CYFIP1: variants seen among roughly 807,000 people sequenced by gnomAD.
CYFIP1 encodes cytoplasmic FMR1-interacting protein 1.
Under a neutral mutation model 163.5 loss-of-function variants are expected in CYFIP1, and 58 were observed. The observed-to-expected ratio is 0.35, with a 90% CI of 0.29 to 0.44. The LOEUF (loss-of-function observed/expected upper bound fraction) is 0.44, where lower values mean the gene tolerates loss of function less well. Among genes scored for constraint, CYFIP1 ranks in the 20% least tolerant of loss-of-function variants. The pLI, the probability that CYFIP1 is intolerant of heterozygous loss-of-function variation, is 1.00. For synonymous variants in CYFIP1, 663 were observed against 660.7 expected, an observed-to-expected ratio of 1.00 and a Z score of -0.05; for missense variants, 1,338 against 1,653.8, an observed-to-expected ratio of 0.81 and a Z score of 3.31.
intron 6 of CYFIP1, among the ~76,000 whole-genome samples, chr15:22,940,945 C>G (rs1397115585): frequency 1.3e-5 from 2 of 152,202 alleles, no homozygotes; most frequent in East Asian, 3.8e-4. Flanking sequence ...GAGGCTGAGA[C>G]AGGAGAATTG....
At chr15:22,916,335 C>T (rs2060979963) in intron 16 of CYFIP1, 142 bp downstream of exon 16, 3 of 671,710 alleles carry the variant, frequency 4.5e-6, no homozygotes, top group Admixed American at 5.4e-5. Flanking sequence ...CGTACAGCCA[C>T]CGCCACAGAG....
intron 22 of CYFIP1, among the ~76,000 whole-genome samples, chr15:22,896,893 C>T (rs2060253343): frequency 6.6e-6 from 1 of 151,992 alleles, no homozygotes; most frequent in African/African-American, 2.4e-5. Flanking sequence ...TGTTGCATGT[C>T]TTGACTTTGT....
At chr15:22,918,494 G>A (rs1003446394) in intron 14 of CYFIP1, among the ~76,000 whole-genome samples, 198 bp downstream of exon 14, 1 of 152,180 alleles carries the variant, frequency 6.6e-6, no homozygotes, top group African/African-American at 2.4e-5. Flanking sequence ...ACACTCGGCA[G>A]CTGACTTACT....
intron 26 of CYFIP1, among the ~76,000 whole-genome samples, chr15:22,879,138 A>G (rs1359618017): frequency 6.7e-6 from 1 of 149,880 alleles, no homozygotes; most frequent in African/African-American, 2.4e-5. Flanking sequence ...TCCGTCTCAA[A>G]AAAAAAAAAA....
At chr15:22,937,749 T>A (rs933831621) in intron 8 of CYFIP1, among the ~76,000 whole-genome samples, 2 of 151,914 alleles carry the variant, frequency 1.3e-5, no homozygotes, top group African/African-American at 4.8e-5. Flanking sequence ...CAGGCGCCCA[T>A]GACCACCACG....
Position 22,882,952 on chromosome 15 carries a change from T to A in CYFIP1, c.2736A>T (p.Pro912=). The A allele has an allele frequency of 1.2e-6, 2 of 1,613,938 alleles. No homozygotes were observed. The highest frequency in any genetic ancestry group is 1.7e-6 in the Non-Finnish European group (2 of 1,179,928). Residue 912 remains proline, a synonymous_variant, in exon 24 of 31, where the codon CCA becomes CCT. Transcript: ENST00000617928. ...YGSYRNFVGP[P]HFQVICRLLG... ...GAAGCCGGCAGATGACTTGAAAGTG[T>A]GGAGGTCCCACGAAGTTCCGGTAGC...
At position 22,882,968 on chromosome 15, in the gene CYFIP1, T is replaced by C. The variant is rs769339439; in HGVS notation, c.2720A>G (p.Asn907Ser). 1.2e-6 allele frequency: 2 copies of C among 1,613,940 alleles called. No individual in the cohort carries two copies. The highest frequency in any genetic ancestry group is 1.7e-6 in the Non-Finnish European group (2 of 1,179,918). ...AYSSIYGSYR[N>S]FVGPPHFQVI... is the part of the protein sequence containing the mutation. ...TTGAAAGTGTGGAGGTCCCACGAAG[T>C]TCCGGTAGCTGCCGTAAATGCTGGA... is the stretch of plus-strand genomic sequence containing the variant. The change falls in exon 24 of 31, where the codon AAC (asparagine) becomes AGC (serine). Residue 907 changes from asparagine to serine, a missense_variant. By Grantham distance (46) the Asn-to-Ser change is conservative (BLOSUM62 1). This residue lies in a region of CYFIP1 where 824 missense variants were observed against 995.7 expected (regional missense o/e 0.83). Coordinates refer to ENST00000617928, the MANE Select transcript of CYFIP1 (RefSeq NM_014608.6).
chr15:22,947,761 G>C (rs1034111511), intron 1 of CYFIP1: 10 of 199,632 alleles, frequency 5.0e-5, no homozygotes, highest in African/African-American at 1.9e-4. Context: ...ACATGGAAAA[G>C]ACGAGCGCCC....
chr15:22,917,406 A>G lies in CYFIP1; in HGVS notation c.1674+382T>C. 1 of 771,318 alleles carries G rather than the reference A, an allele frequency of 1.3e-6. No individual in the cohort carries two copies. The highest frequency in any genetic ancestry group is 1.8e-6 in the Non-Finnish European group (1 of 556,632). 47.8% of individuals were successfully genotyped at this position (771,318 alleles called of 1,614,324 possible). ...TAGGACCATGACACACGCAAGCAGCACCTCACAGTTTCCCACGCCCCATCT... is the reference window on the plus strand; with the variant it reads ...TAGGACCATGACACACGCAAGCAGCGCCTCACAGTTTCCCACGCCCCATCT... On this transcript the variant is annotated intron_variant, in intron 15 of 30. Transcript: ENST00000617928. This position sits in a 1 kb window ranked among gnomAD's most constrained non-coding sequence, Gnocchi z 4.2.
intron 22 of CYFIP1, among the ~76,000 whole-genome samples, chr15:22,893,389 T>C (rs1408330372): frequency 6.6e-6 from 1 of 152,174 alleles, no homozygotes; most frequent in Non-Finnish European, 1.5e-5. Context: ...ACTTAGGTAT[T>C]TGTAACCCAC....
intron 14 of CYFIP1, 133 bp from the exon 15 acceptor site, chr15:22,918,068 T>C: frequency 2.0e-6 from 2 of 1,017,478 alleles, no homozygotes; most frequent in Non-Finnish European, 2.9e-6. Context: ...CTGGGGGCCA[T>C]GGAGGGATGT....
At chr15:22,978,534 G>A (rs2063360287) in intron 1 of CYFIP1, among the ~76,000 whole-genome samples, 1 of 151,924 alleles carries the variant, frequency 6.6e-6, no homozygotes, top group South Asian at 2.1e-4. Flanking sequence ...ATCTCACTAT[G>A]TTATTTAAAA....
At chr15:22,944,518 C>A in intron 5 of CYFIP1, 40 bp downstream of exon 5, 1 of 1,398,916 alleles carries the variant, frequency 7.1e-7, no homozygotes, top group South Asian at 1.2e-5. Context: ...GCAACCCACC[C>A]CTCGGTGTTA....
chr15:22,879,873 G>A, intron 26 of CYFIP1, 40 bp downstream of exon 26: 2 of 1,493,786 alleles, frequency 1.3e-6, no homozygotes, highest in Non-Finnish European at 1.8e-6. Context: ...GGGGTGGGGT[G>A]GGCTGGGGCG....
intron 9 of CYFIP1, among the ~76,000 whole-genome samples, chr15:22,935,329 G>A (rs1254278804): frequency 6.6e-6 from 1 of 152,178 alleles, no homozygotes; most frequent in Non-Finnish European, 1.5e-5. Flanking sequence ...AGAACAATGG[G>A]CTTTGCAATA....
In CYFIP1 at chr15:22,917,314, G is replaced by C. The variant is rs2061020701; in HGVS notation, c.1674+474C>G. ...GACGCAGCGGTGTGGATTAAACCGGGTGTGAAAGTCGTGAGAAGCACCTCG... is the reference window on the plus strand; with the variant it reads ...GACGCAGCGGTGTGGATTAAACCGGCTGTGAAAGTCGTGAGAAGCACCTCG... On this transcript the variant is annotated intron_variant, in intron 15 of 30. Coordinates refer to ENST00000617928, the MANE Select transcript of CYFIP1 (RefSeq NM_014608.6). This position sits in a 1 kb window ranked among gnomAD's most constrained non-coding sequence, Gnocchi z 4.2. 24 of 1,317,384 alleles carry C rather than the reference G, an allele frequency of 1.8e-5. No homozygotes were observed. The highest frequency in any genetic ancestry group is 3.7e-5 in the Admixed American group (1 of 26,992). The allele number at this position is 1,317,384 out of a possible 1,614,324, so 81.6% of individuals were successfully genotyped here. A position where few individuals can be genotyped will look rare whatever the true frequency, so the allele number is the denominator to read the frequency against.
Position 22,943,906 on chromosome 15 carries a change from C to T in CYFIP1, c.388-552G>A, listed in dbSNP as rs140878620. ...CCAGGAATGGACAGTCAGGGTGAGG[C>T]TAACAGCAAGAAAATACCTGAAAGA... On this transcript the variant is annotated intron_variant, in intron 5 of 30. Transcript: ENST00000617928. 5.4e-3 allele frequency among the ~76,000 whole-genome samples: 816 copies of T among 152,124 alleles called. 4 individuals carry two copies. Among genetic ancestry groups the T allele is most frequent in the Non-Finnish European group, 8.4e-3 (573 of 67,990 alleles).
rs2142225382 is a variant in CYFIP1, at chr15:22,932,227, C to T, written c.1106G>A (p.Ser369Asn). ...FISELARYSNSEVVTGSGRQE... is the reference protein window; with the variant it reads ...FISELARYSNNEVVTGSGRQE... Reference sequence around the variant, plus strand: ...GCTCCAGGTCGCGGGGCGCACCTCGCTGTTGCTGTAGCGCGCCAGCTCCGA... The same window carrying T: ...GCTCCAGGTCGCGGGGCGCACCTCGTTGTTGCTGTAGCGCGCCAGCTCCGA... The change falls in exon 11 of 31, where the codon AGC becomes AAC. Residue 369 changes from serine (S) to asparagine (N), a missense_variant. This residue lies in a region of CYFIP1 where 824 missense variants were observed against 995.7 expected (regional missense o/e 0.83). Coordinates refer to ENST00000617928, the MANE Select transcript of CYFIP1 (RefSeq NM_014608.6). The T allele has an allele frequency of 1.2e-6, 2 of 1,609,868 alleles. No individual in the cohort carries two copies. The highest frequency in any genetic ancestry group is 2.2e-5 in the East Asian group (1 of 44,690).
At chr15:22,967,626 C>A (rs956135444) in intron 1 of CYFIP1, among the ~76,000 whole-genome samples, 2 of 152,184 alleles carry the variant, frequency 1.3e-5, no homozygotes, top group Admixed American at 1.3e-4. Flanking sequence ...GCACATCTGC[C>A]CTCCACCTGG....
Sources: allele counts gnomAD v4.1 joint callset (sites outside exome capture counted in the v4.1 genomes callset), GRCh38; gene constraint gnomAD v4.1.1; regional missense constraint gnomAD v4.1.1; non-coding constraint Gnocchi (gnomAD v3.1); transcripts MANE v1.5; gene names NCBI Gene and HGNC (gene_info 2026-07-23, HGNC 2026-07-21).